Variants in BMPR1B observed in about 807,000 individuals in gnomAD.
The protein encoded by BMPR1B is bone morphogenetic protein receptor type 1B, also known as bone morphogenetic protein receptor type-1B.
BMPR1B carries 12 observed loss-of-function variants against 59.1 expected under a neutral mutation model. That is an observed-to-expected ratio of 0.20 (90% CI 0.13 to 0.33). The LOEUF is 0.33. Among genes scored for constraint, BMPR1B ranks in the 10% least tolerant of loss-of-function variants. The pLI is 1.00. For synonymous variants in BMPR1B, 237 were observed against 207.3 expected, an observed-to-expected ratio of 1.14 and a Z score of -1.23; for missense variants, 550 against 610.9, an observed-to-expected ratio of 0.90 and a Z score of 1.05.
intron 1 of BMPR1B, among the ~76,000 whole-genome samples, chr4:94,798,905 T>C (rs2110618050): frequency 6.6e-6 from 1 of 152,026 alleles, no homozygotes; most frequent in South Asian, 2.1e-4. Context: ...TGTGTTGCTC[T>C]TTCAGAAAGC....
At chr4:94,886,828 A>C (rs1335744414) in intron 2 of BMPR1B, among the ~76,000 whole-genome samples, 1 of 152,206 alleles carries the variant, frequency 6.6e-6, no homozygotes. Context: ...AGGGAGGAAG[A>C]AGAGGGACAC....
intron 3 of BMPR1B, among the ~76,000 whole-genome samples, chr4:95,065,250 C>T (rs1727710210): frequency 6.6e-6 from 1 of 151,972 alleles, no homozygotes; most frequent in African/African-American, 2.4e-5. Context: ...ATACAAAGAC[C>T]ATAGGTTGTG....
chr4:94,857,199 CCTTA>C (rs1286756221), intron 1 of BMPR1B, among the ~76,000 whole-genome samples: 1 of 151,954 alleles, frequency 6.6e-6, no homozygotes, highest in Admixed American at 6.6e-5. Flanking sequence ...GAAAAAAAGG[CCTTA>C]CTCTTATGCA....
intron 2 of BMPR1B, among the ~76,000 whole-genome samples, chr4:94,883,423 G>C (rs1027305313): frequency 1.3e-5 from 2 of 152,068 alleles, no homozygotes; most frequent in Non-Finnish European, 1.5e-5. Context: ...AGATACTACT[G>C]TGATAGCTTA....
intron 2 of BMPR1B, among the ~76,000 whole-genome samples, chr4:94,984,053 G>T (rs1721255061): frequency 6.6e-6 from 1 of 152,202 alleles, no homozygotes; most frequent in South Asian, 2.1e-4. Flanking sequence ...ATTTTTAATA[G>T]AATAAAGCAA....
At position 95,155,789 on chromosome 4, in the gene BMPR1B, T is replaced by A. The variant is rs183694616; in HGVS notation, c.*1116T>A. On this transcript the variant is annotated 3_prime_UTR_variant, in exon 13 of 13. Coordinates refer to ENST00000515059, the MANE Select transcript of BMPR1B (RefSeq NM_001203.3). ...AAGATGATGTCTTTTTGTTATTGTC[T>A]GTCTGTTTTGTATGTGTCTGAGATA... The A allele has an allele frequency of 6.6e-6, 1 of 151,876 alleles. No individual in the cohort carries two copies. Among genetic ancestry groups the A allele is most frequent in the Admixed American group, 6.5e-5 (1 of 15,286 alleles). 9.4% of individuals were successfully genotyped at this position (151,876 alleles called of 1,614,324 possible).
intron 1 of BMPR1B, among the ~76,000 whole-genome samples, chr4:94,847,680 A>C (rs1725390617): frequency 6.6e-6 from 1 of 152,162 alleles, no homozygotes. Flanking sequence ...GAAATGAGCC[A>C]GGCAGAGAAA....
chr4:94,987,756 G>GT lies in BMPR1B; in HGVS notation c.-112-8274dup, dbSNP rs374848281. ...GCACTGCCTAATCAAATATACGGCA[G>GT]TTTTTTTTTTCTAGACATAACTATT... is the stretch of plus-strand genomic sequence containing the variant. On this transcript the variant is annotated intron_variant, in intron 2 of 12. Transcript: ENST00000515059. Among the ~76,000 whole-genome samples the GT allele has an allele frequency of 5.4e-3, 801 of 147,996 alleles. 6 individuals carry two copies. Among genetic ancestry groups the GT allele is most frequent in the African/African-American group, 0.016 (649 of 40,562 alleles).
intron 1 of BMPR1B, among the ~76,000 whole-genome samples, chr4:94,816,018 T>C (rs1465650355): frequency 1.3e-5 from 2 of 152,224 alleles, no homozygotes; most frequent in Admixed American, 1.3e-4. Context: ...TTATCTGTTA[T>C]CTTGGCTTTG....
At chr4:95,093,862 C>G (rs147820235) in intron 3 of BMPR1B, among the ~76,000 whole-genome samples, 106 of 152,144 alleles carry the variant, frequency 7.0e-4, no homozygotes, top group African/African-American at 2.5e-3. Flanking sequence ...GTCTCTTAAC[C>G]TACTCATTAG....
intron 7 of BMPR1B, 33 bp downstream of exon 7, chr4:95,123,939 A>G: frequency 6.9e-7 from 1 of 1,442,316 alleles, no homozygotes. Context: ...CAAAATTTTT[A>G]ATTTATAGTG....
chr4:94,991,939 C>T (rs1214185028), intron 2 of BMPR1B, among the ~76,000 whole-genome samples: 1 of 152,130 alleles, frequency 6.6e-6, no homozygotes, highest in Non-Finnish European at 1.5e-5. Context: ...TTCATCTCTC[C>T]AGGATTCTAG....
At chr4:94,780,175 A>G (rs892366662) in intron 1 of BMPR1B, among the ~76,000 whole-genome samples, 1 of 152,028 alleles carries the variant, frequency 6.6e-6, no homozygotes, top group Non-Finnish European at 1.5e-5. Context: ...TCACTTTAAT[A>G]TTACTCCCAA....
intron 2 of BMPR1B, among the ~76,000 whole-genome samples, chr4:94,899,527 T>C (rs1038058947): frequency 6.6e-6 from 1 of 150,610 alleles, no homozygotes; most frequent in Admixed American, 6.6e-5. Flanking sequence ...TGGGAAATTA[T>C]ATGGTTGAAT....
At chr4:94,823,852 A>T (rs1022941470) in intron 1 of BMPR1B, among the ~76,000 whole-genome samples, 1 of 151,392 alleles carries the variant, frequency 6.6e-6, no homozygotes, top group Non-Finnish European at 1.5e-5. Context: ...GGTTCACACC[A>T]CTCTCCTGCC....
chr4:95,083,696 C>A (rs889482798), intron 3 of BMPR1B, among the ~76,000 whole-genome samples: 16 of 152,100 alleles, frequency 1.1e-4, no homozygotes, highest in Admixed American at 1.0e-3. Flanking sequence ...AGATGCTTCA[C>A]CTTCAACCCA....
intron 1 of BMPR1B, among the ~76,000 whole-genome samples, chr4:94,869,852 A>G (rs934180720): frequency 6.6e-6 from 1 of 152,174 alleles, no homozygotes; most frequent in Non-Finnish European, 1.5e-5. Context: ...AATGGTTGTA[A>G]GGAATAGAGG....
At chr4:94,854,340 A>G (rs1236786108) in intron 1 of BMPR1B, among the ~76,000 whole-genome samples, 1 of 152,234 alleles carries the variant, frequency 6.6e-6, no homozygotes, top group Non-Finnish European at 1.5e-5. Context: ...TATAATAAGA[A>G]TAATGAAGTA....
chr4:95,089,864 C>T (rs1729852754), intron 3 of BMPR1B, among the ~76,000 whole-genome samples: 2 of 152,054 alleles, frequency 1.3e-5, no homozygotes, highest in Admixed American at 6.6e-5. Flanking sequence ...ATTATCAAAA[C>T]TCTATGAACT....
Sources: gnomAD v4.1 joint callset for allele counts (sites outside exome capture counted in the v4.1 genomes callset) on GRCh38, gnomAD v4.1.1 for gene constraint, MANE v1.5 for transcripts, NCBI Gene and HGNC (gene_info 2026-07-23, HGNC 2026-07-21) for gene names.